Variants in SND1 observed in about 807,000 individuals in gnomAD.
SND1 encodes staphylococcal nuclease and tudor domain containing 1.
Under a neutral mutation model 121.7 loss-of-function variants are expected in SND1, and 38 were observed. The observed-to-expected ratio is 0.31, with a 90% CI of 0.24 to 0.41. The LOEUF is 0.41. Ranked by LOEUF, SND1 falls within the 10% of genes least tolerant of loss-of-function variation. The probability of loss-of-function intolerance (pLI) is 1.00; values close to 1 mark genes in which losing one functional copy is unlikely to be tolerated. For synonymous variants in SND1, 401 were observed against 447.4 expected (o/e 0.90, Z 1.31); for missense variants, 868 against 1,184.6 (o/e 0.73, Z 3.92).
At chr7:127,923,046 T>G (rs1049922876) in intron 14 of SND1, among the ~76,000 whole-genome samples, 1 of 152,212 alleles carries the variant, frequency 6.6e-6, no homozygotes, top group African/African-American at 2.4e-5. Flanking sequence ...TAGAGTGTTG[T>G]GGCATGATTA....
At chr7:127,756,672 A>T (rs1463273411) in intron 10 of SND1, among the ~76,000 whole-genome samples, 1 of 152,120 alleles carries the variant, frequency 6.6e-6, no homozygotes, top group Non-Finnish European at 1.5e-5. Context: ...TTCTGCTAGG[A>T]TATGTGGCGA....
At chr7:127,978,690 T>A (rs576964147) in intron 15 of SND1, among the ~76,000 whole-genome samples, 4 of 152,318 alleles carry the variant, frequency 2.6e-5, no homozygotes, top group African/African-American at 7.2e-5. Flanking sequence ...TAAGGTTTTT[T>A]AAATATTATT....
intron 10 of SND1, among the ~76,000 whole-genome samples, chr7:127,761,848 A>G (rs1052176046): frequency 1.3e-5 from 2 of 152,126 alleles, no homozygotes; most frequent in Non-Finnish European, 2.9e-5. Flanking sequence ...TTGTTACAGT[A>G]TTTTCCAGAG....
At chr7:127,811,899 A>G (rs1000243225) in intron 11 of SND1, among the ~76,000 whole-genome samples, 4 of 151,778 alleles carry the variant, frequency 2.6e-5, no homozygotes, top group Non-Finnish European at 5.9e-5. Context: ...GAAGTAGACT[A>G]TTTTTTTTGG....
chr7:127,874,631 T>C (rs1799657822), intron 12 of SND1, among the ~76,000 whole-genome samples: 2 of 151,748 alleles, frequency 1.3e-5, no homozygotes, highest in Admixed American at 1.3e-4. Context: ...GAAAAAAAAA[T>C]AAGGAATGAA....
chr7:127,758,006 G>A (rs1797228855), intron 10 of SND1, among the ~76,000 whole-genome samples: 1 of 152,152 alleles, frequency 6.6e-6, no homozygotes, highest in Admixed American at 6.5e-5. Context: ...ATAACTGTAA[G>A]CAATCGCTAT....
intron 16 of SND1, among the ~76,000 whole-genome samples, chr7:128,005,803 C>G (rs2116939934): frequency 6.6e-6 from 1 of 152,246 alleles, no homozygotes; most frequent in Middle Eastern, 3.4e-3. Flanking sequence ...TTGAGGAGCT[C>G]CCCACCTGTG....
chr7:127,657,579 A>C (rs1426909196), intron 1 of SND1, among the ~76,000 whole-genome samples: 1 of 152,074 alleles, frequency 6.6e-6, no homozygotes, highest in African/African-American at 2.4e-5. Context: ...TGCAGCCTTG[A>C]ACTCCTGGGC....
At chr7:127,938,669 G>A (rs867191152) in intron 15 of SND1, among the ~76,000 whole-genome samples, 6 of 152,122 alleles carry the variant, frequency 3.9e-5, no homozygotes, top group Admixed American at 6.5e-5. Flanking sequence ...TTTTCTCTCC[G>A]CTTTTGTATT....
At chr7:128,030,685 G>A (rs765985025) in intron 16 of SND1, 5 of 1,523,118 alleles carry the variant, frequency 3.3e-6, no homozygotes, top group African/African-American at 2.8e-5. Flanking sequence ...ATTTTGGCTC[G>A]GAAAGGAGAA....
intron 13 of SND1, among the ~76,000 whole-genome samples, chr7:127,896,309 G>A (rs1800118685): frequency 6.6e-6 from 1 of 152,076 alleles, no homozygotes; most frequent in Non-Finnish European, 1.5e-5. Flanking sequence ...GATATGTTGG[G>A]AGGTTCTTGT....
rs575866454 is a variant in SND1, at chr7:128,077,246, T to C, written c.1968+2556T>C. Among the ~76,000 whole-genome samples, 7 of 152,300 alleles carry C rather than the reference T, an allele frequency of 4.6e-5. No individual in the cohort carries two copies. The South Asian group carries it at 1.5e-3, about 32-fold the overall frequency. ...TTTAGAAAGGAAAGACTCCAGCCAG[T>C]GGATTCTCTGTCCACAGTCCTCATC... On this transcript the variant is annotated intron_variant, in intron 17 of 23. Transcript: ENST00000354725.
At chr7:127,803,899 A>G (rs985524248) in intron 10 of SND1, among the ~76,000 whole-genome samples, 10 of 152,226 alleles carry the variant, frequency 6.6e-5, no homozygotes, top group Admixed American at 1.3e-4. Flanking sequence ...AATGTGAGTC[A>G]TTGCAGGGCC....
At chr7:127,913,579 CTA>C (rs1800505822) in intron 14 of SND1, among the ~76,000 whole-genome samples, 1 of 152,182 alleles carries the variant, frequency 6.6e-6, no homozygotes, top group African/African-American at 2.4e-5. Context: ...AGATAACACT[CTA>C]TGATTCTATT....
In SND1 at chr7:127,751,230, G is replaced by T. The variant is rs537311176; in HGVS notation, c.1152+29830G>T. 2.6e-5 allele frequency among the ~76,000 whole-genome samples: 4 copies of T among 152,234 alleles called. No individual in the cohort carries two copies. In the South Asian group the frequency reaches 8.3e-4, roughly 32 times the overall value. The stretch of plus-strand genomic sequence containing the variant: ...AATGGTGTAAAAGCCTAGCTAGACT[G>T]CAGGTTGTGGATGACCAGACTTGGC... On this transcript the variant is annotated intron_variant, in intron 10 of 23. Transcript: ENST00000354725.
At chr7:128,088,047 TGAA>T (rs898619398) in intron 21 of SND1, among the ~76,000 whole-genome samples, 10 of 152,082 alleles carry the variant, frequency 6.6e-5, no homozygotes, top group African/African-American at 2.4e-4. Flanking sequence ...AGGGTGCAAA[TGAA>T]GAATAAGCAA....
In SND1 at chr7:127,881,251, G is replaced by A. The variant is rs553107047; in HGVS notation, c.1344-6651G>A. On this transcript the variant is annotated intron_variant, in intron 12 of 23. Transcript: ENST00000354725. ...ATCTCACCCCTCCCCTATGAAAAGG[G>A]GTACATAAGCTTCTGTTCCACCCTA... Among the ~76,000 whole-genome samples the A allele has an allele frequency of 3.3e-5, 5 of 152,146 alleles. No homozygotes were observed. The South Asian group carries it at 6.2e-4, about 19-fold the overall frequency.
At chr7:128,088,018 T>A (rs1793713454) in intron 21 of SND1, among the ~76,000 whole-genome samples, 1 of 152,184 alleles carries the variant, frequency 6.6e-6, no homozygotes, top group African/African-American at 2.4e-5. Flanking sequence ...TCACCATGGT[T>A]GGCACTGTCA....
chr7:127,775,755 T>C (rs994635917), intron 10 of SND1, among the ~76,000 whole-genome samples: 2 of 152,092 alleles, frequency 1.3e-5, no homozygotes, highest in Non-Finnish European at 2.9e-5. Context: ...GCTATGTTAC[T>C]CAGCTGCCCT....
Sources: allele counts gnomAD v4.1 joint callset (sites outside exome capture counted in the v4.1 genomes callset), GRCh38; gene constraint gnomAD v4.1.1; transcripts MANE v1.5; gene names NCBI Gene and HGNC (gene_info 2026-07-23, HGNC 2026-07-21).